PECAM1: variants seen among roughly 807,000 people sequenced by gnomAD.
PECAM1 encodes the protein platelet and endothelial cell adhesion molecule 1, also known as platelet endothelial cell adhesion molecule.
PECAM1 carries 8 observed loss-of-function variants against 13.8 expected under a neutral mutation model. The observed-to-expected ratio is 0.58, with a 90% confidence interval of 0.34 to 1.05. The LOEUF is 1.05. Ranked by LOEUF, PECAM1 falls within the 50% of genes least tolerant of loss-of-function variation. The pLI, the probability that PECAM1 is intolerant of heterozygous loss-of-function variation, is 0.03. For synonymous variants in PECAM1, 136 were observed against 52.6 expected (o/e 2.58, Z -6.86); for missense variants, 304 against 141.2 (o/e 2.15, Z -5.84).
intron 4 of PECAM1, 85 bp downstream of exon 4, chr17:64,374,966 C>A: frequency 2.3e-6 from 1 of 428,106 alleles, no homozygotes; most frequent in Non-Finnish European, 4.3e-6. Context: ...CTGAGAACAG[C>A]AGCCCCTTCC....
chr17:64,350,057 C>G (rs1240755465), intron 12 of PECAM1, among the ~76,000 whole-genome samples: 4 of 152,034 alleles, frequency 2.6e-5, no homozygotes, highest in African/African-American at 9.7e-5. Context: ...TGTCCATTGT[C>G]TTTAAAAATC....
intron 5 of PECAM1, among the ~76,000 whole-genome samples, chr17:64,365,809 T>G (rs1489979756): frequency 2.0e-5 from 3 of 151,354 alleles, no homozygotes; most frequent in Non-Finnish European, 3.0e-5. Flanking sequence ...TTACACCTTA[T>G]ACAAAAATTA....
chr17:64,332,409 A>G (rs2035149372), intron 14 of PECAM1, among the ~76,000 whole-genome samples: 1 of 152,226 alleles, frequency 6.6e-6, no homozygotes, highest in South Asian at 2.1e-4. Flanking sequence ...TTTCTAAAGC[A>G]ATCTGAAGAC....
At chr17:64,346,375 C>T (rs2143754274) in intron 13 of PECAM1, among the ~76,000 whole-genome samples, 1 of 152,188 alleles carries the variant, frequency 6.6e-6, no homozygotes, top group Admixed American at 6.6e-5. Context: ...CTTGCTCTGC[C>T]ACCCAGGCTG....
chr17:64,327,536 G>A (rs782674299), intron 15 of PECAM1, among the ~76,000 whole-genome samples: 1 of 152,092 alleles, frequency 6.6e-6, no homozygotes. Context: ...GGGGGGAGGC[G>A]AGCTATAGCT....
At chr17:64,365,600 G>A (rs2036085570) in intron 5 of PECAM1, among the ~76,000 whole-genome samples, 1 of 152,208 alleles carries the variant, frequency 6.6e-6, no homozygotes, top group African/African-American at 2.4e-5. Flanking sequence ...AACCAAAACA[G>A]CATGGTACTG....
At chr17:64,334,834 C>T (rs1426521226) in intron 14 of PECAM1, among the ~76,000 whole-genome samples, 3 of 152,100 alleles carry the variant, frequency 2.0e-5, no homozygotes, top group Non-Finnish European at 4.4e-5. Flanking sequence ...TTGGGGGTCA[C>T]TCAATACCAC....
chr17:64,338,923 C>T (rs1352196343), intron 14 of PECAM1, among the ~76,000 whole-genome samples: 1 of 152,182 alleles, frequency 6.6e-6, no homozygotes, highest in Non-Finnish European at 1.5e-5. Context: ...GATGTTTCTC[C>T]TGTGTGATTT....
At chr17:64,368,931 CT>C (rs1176037024) in intron 5 of PECAM1, among the ~76,000 whole-genome samples, 21 of 75,088 alleles carry the variant, frequency 2.8e-4, no homozygotes, top group African/African-American at 8.7e-4. Context: ...ATTGTCATTT[CT>C]TTTTTTTTTT....
chr17:64,369,606 G>C, intron 5 of PECAM1, 144 bp downstream of exon 5: 1 of 396,800 alleles, frequency 2.5e-6, no homozygotes, highest in Non-Finnish European at 4.4e-6. Flanking sequence ...TTCTTCCCAC[G>C]AGCACCAAAG....
intron 14 of PECAM1, among the ~76,000 whole-genome samples, chr17:64,339,626 T>C (rs2035375217): frequency 6.6e-6 from 1 of 152,132 alleles, no homozygotes; most frequent in Non-Finnish European, 1.5e-5. Context: ...GGCTGTTTAT[T>C]GTCAGATTTG....
intron 2 of PECAM1, among the ~76,000 whole-genome samples, chr17:64,378,591 G>A (rs1305106465): frequency 6.6e-6 from 1 of 151,592 alleles, no homozygotes; most frequent in Non-Finnish European, 1.5e-5. Context: ...GCAGTGAGGT[G>A]AGATCTCACC....
rs910743462 is a variant in PECAM1 at position 64,319,835 on chromosome 17, G to C, written c.*3981C>G. 14 of 152,172 alleles carry C rather than the reference G, an allele frequency of 9.2e-5. No individual in the cohort carries two copies. The highest frequency in any genetic ancestry group is 3.1e-4 in the African/African-American group (13 of 41,446). The allele number at this position is 152,172 out of a possible 1,614,324, so 9.4% of individuals were successfully genotyped here. A position where few individuals can be genotyped will look rare whatever the true frequency, so the allele number is the denominator to read the frequency against. ...CTTATCGGGAAGCGGCTGATCACCA[G>C]ATCAGGGTGTTTTGTATCTATTGAG... is the stretch of plus-strand genomic sequence containing the variant. On this transcript the variant is annotated 3_prime_UTR_variant, in exon 16 of 16. Coordinates refer to ENST00000563924, the MANE Select transcript of PECAM1 (RefSeq NM_000442.5).
At chr17:64,370,226 C>A in intron 4 of PECAM1, 1 of 376,952 alleles carries the variant, frequency 2.7e-6, no homozygotes, top group Non-Finnish European at 4.7e-6. Flanking sequence ...CATCTTCAGG[C>A]TTCTTCACTG....
At position 64,350,036 on chromosome 17, in the gene PECAM1, G is replaced by A. The variant is rs1280004488; in HGVS notation, c.2044+344C>T. ...ATCCCTCAGTGCTTCAGGCAGAAGA[G>A]AGCAATTTATTGTCCATTGTCTTTA... On this transcript the variant is annotated intron_variant, in intron 12 of 15. Coordinates refer to ENST00000563924, the MANE Select transcript of PECAM1 (RefSeq NM_000442.5). Among the ~76,000 whole-genome samples, 9 of 152,320 alleles carry A rather than the reference G, an allele frequency of 5.9e-5. No individual in the cohort carries two copies. The South Asian group carries it at 1.9e-3, about 32-fold the overall frequency.
At chr17:64,374,783 CA>C (rs118196499) in intron 4 of PECAM1, among the ~76,000 whole-genome samples, 1 of 147,744 alleles carries the variant, frequency 6.8e-6, no homozygotes, top group African/African-American at 2.5e-5. Flanking sequence ...GACTCTGTCT[CA>C]AAAAAAAAAC....
intron 14 of PECAM1, among the ~76,000 whole-genome samples, chr17:64,333,331 G>A (rs2035178809): frequency 6.6e-6 from 1 of 152,110 alleles, no homozygotes. Context: ...CCAAGACAGA[G>A]GGCAGGCAAA....
intron 6 of PECAM1, among the ~76,000 whole-genome samples, chr17:64,362,360 A>G (rs1175998946): frequency 2.6e-5 from 4 of 152,164 alleles, no homozygotes; most frequent in African/African-American, 9.7e-5. Flanking sequence ...TGGAATTTTG[A>G]TATTCTTGGC....
chr17:64,334,225 C>T (rs73341028), intron 14 of PECAM1, among the ~76,000 whole-genome samples: 135,444 of 151,872 alleles, frequency 0.89, 61,159 homozygotes, highest in East Asian at 1. Context: ...TCAAGTCCCC[C>T]GGGCCAGCGC....
Sources: allele counts gnomAD v4.1 joint callset (sites outside exome capture counted in the v4.1 genomes callset), GRCh38; gene constraint gnomAD v4.1.1; transcripts MANE v1.5; gene names NCBI Gene and HGNC (gene_info 2026-07-23, HGNC 2026-07-21).